IL19: variants seen among roughly 807,000 people sequenced by gnomAD.
IL19 encodes interleukin 19.
A neutral mutation model predicts 19.5 loss-of-function variants in IL19; 15 were observed. The observed-to-expected ratio is 0.77, with a 90% CI of 0.52 to 1.19. IL19 has a LOEUF of 1.19. Ranked by LOEUF, IL19 falls within the 50% of genes most tolerant of loss-of-function variation. The pLI is 0.00. For missense variants in IL19, 199 were observed against 213.1 expected, an observed-to-expected ratio of 0.93 and a Z score of 0.41; for synonymous variants, 78 against 78.3, an observed-to-expected ratio of 1.00 and a Z score of 0.02.
At chr1:206,832,524 A>T (rs1210333860) in intron 2 of IL19, among the ~76,000 whole-genome samples, 1 of 152,166 alleles carries the variant, frequency 6.6e-6, no homozygotes, top group African/African-American at 2.4e-5. Context: ...TTATTTCCTT[A>T]ATTGTTTTCT....
At chr1:206,807,403 A>G (rs1461810085) in intron 2 of IL19, among the ~76,000 whole-genome samples, 1 of 152,114 alleles carries the variant, frequency 6.6e-6, no homozygotes, top group Non-Finnish European at 1.5e-5. Context: ...TCACCATGCT[A>G]TAGTCATATA....
intron 6 of IL19, among the ~76,000 whole-genome samples, chr1:206,842,261 GA>G (rs1203366375): frequency 2.0e-5 from 3 of 149,846 alleles, no homozygotes; most frequent in African/African-American, 4.9e-5. Context: ...AAAAACAGAG[GA>G]AAAAAAAACC....
chr1:206,826,477 C>T (rs1439357320), intron 2 of IL19, among the ~76,000 whole-genome samples: 1 of 152,196 alleles, frequency 6.6e-6, no homozygotes, highest in African/African-American at 2.4e-5. Context: ...ATGCAAGATG[C>T]AGTCCTCGTC....
At chr1:206,780,409 C>T (rs915341294) in intron 1 of IL19, among the ~76,000 whole-genome samples, 1 of 152,134 alleles carries the variant, frequency 6.6e-6, no homozygotes, top group Admixed American at 6.5e-5. Context: ...TGCTACATGG[C>T]TATATGTCTG....
intron 1 of IL19, among the ~76,000 whole-genome samples, chr1:206,777,082 T>C (rs1211319375): frequency 6.6e-6 from 1 of 151,460 alleles, no homozygotes; most frequent in Admixed American, 6.6e-5. Flanking sequence ...ATAGAAAAAA[T>C]TAGCTGGGCG....
intron 2 of IL19, among the ~76,000 whole-genome samples, chr1:206,835,148 T>C (rs1332078034): frequency 6.6e-6 from 1 of 152,196 alleles, no homozygotes; most frequent in Non-Finnish European, 1.5e-5. Context: ...GCAAGTCTCC[T>C]GGCATGGGAT....
intron 4 of IL19, among the ~76,000 whole-genome samples, chr1:206,838,762 TTCCCTTCCCTTCCC>T (rs1558623838): frequency 2.7e-5 from 4 of 146,808 alleles, no homozygotes; most frequent in Non-Finnish European, 6.1e-5. Context: ...TTCCCTTCCC[TTCCCTTCCCTTCCC>T]TTCCCTTCCC....
chr1:206,793,057 G>T (rs951458041), intron 1 of IL19, among the ~76,000 whole-genome samples: 1 of 152,232 alleles, frequency 6.6e-6, no homozygotes, highest in Non-Finnish European at 1.5e-5. Flanking sequence ...GGGCTTTCAG[G>T]ATCCATTAGA....
chr1:206,796,093 G>T (rs1452072246), intron 1 of IL19, among the ~76,000 whole-genome samples: 1 of 152,036 alleles, frequency 6.6e-6, no homozygotes, highest in Non-Finnish European at 1.5e-5. Context: ...GAGTCCCATG[G>T]TCTAGATTCT....
intron 2 of IL19, among the ~76,000 whole-genome samples, chr1:206,810,653 G>A (rs960283384): frequency 2.0e-5 from 3 of 152,188 alleles, no homozygotes; most frequent in Non-Finnish European, 2.9e-5. Context: ...CCATATAGCA[G>A]AGGCCAAATG....
At chr1:206,835,399 T>C (rs903065926) in intron 2 of IL19, among the ~76,000 whole-genome samples, 5 of 152,358 alleles carry the variant, frequency 3.3e-5, no homozygotes, top group South Asian at 4.1e-4. Context: ...GACATACACC[T>C]GTCTATTCCC....
chr1:206,819,634 A>G (rs1676246036), intron 2 of IL19, among the ~76,000 whole-genome samples: 1 of 152,068 alleles, frequency 6.6e-6, no homozygotes, highest in South Asian at 2.1e-4. Context: ...CATTCCAAGA[A>G]CTCAATAGCC....
chr1:206,823,719 G>T (rs1221976405), intron 2 of IL19, among the ~76,000 whole-genome samples: 1 of 152,088 alleles, frequency 6.6e-6, no homozygotes, highest in African/African-American at 2.4e-5. Flanking sequence ...GCTGAGAAAA[G>T]AAAATGTTAT....
intron 4 of IL19, among the ~76,000 whole-genome samples, chr1:206,838,780 CCT>C (rs1289452539): frequency 1.3e-4 from 19 of 147,356 alleles, no homozygotes; most frequent in African/African-American, 4.8e-4. Context: ...CCTTCCCTTC[CCT>C]TCCCTTCCCT....
At chr1:206,771,245 TCTC>T (rs2102439547) in intron 1 of IL19, 167 bp downstream of exon 1, 2 of 1,197,974 alleles carry the variant, frequency 1.7e-6, no homozygotes, top group East Asian at 2.3e-5. Context: ...TCTTCCCACT[TCTC>T]CTTTTCAAAG....
At chr1:206,794,628 C>G (rs535572938) in intron 1 of IL19, among the ~76,000 whole-genome samples, 10 of 152,284 alleles carry the variant, frequency 6.6e-5, no homozygotes, top group Non-Finnish European at 1.3e-4. Context: ...CTCATTGCTT[C>G]TTTTGATTCT....
At position 206,839,880 on chromosome 1, in the gene IL19, C is replaced by T; in HGVS notation, c.241C>T (p.Leu81Phe). 1 of 1,614,050 alleles carries T rather than the reference C, an allele frequency of 6.2e-7. No individual in the cohort carries two copies. The highest frequency in any genetic ancestry group is 1.3e-5 in the African/African-American group (1 of 75,046). ...AGATGTGTGCTGCGTGACCAAGAAC[C>T]TCCTGGCGTTCTACGTGGACAGGGT... is the stretch of plus-strand genomic sequence containing the variant. The part of the protein sequence containing the change: ...PLDVCCVTKN[L>F]LAFYVDRVFK... Residue 81 changes from leucine to phenylalanine, a missense_variant, in exon 5 of 7, where the codon CTC (leucine) becomes TTC (phenylalanine). Transcript: ENST00000659997.
At chr1:206,817,574 A>T (rs772918752) in intron 2 of IL19, among the ~76,000 whole-genome samples, 1 of 152,148 alleles carries the variant, frequency 6.6e-6, no homozygotes, top group South Asian at 2.1e-4. Flanking sequence ...TCTCTATCAC[A>T]CATATTTCAG....
At chr1:206,804,359 A>C (rs377180931) in intron 2 of IL19, among the ~76,000 whole-genome samples, 1 of 152,210 alleles carries the variant, frequency 6.6e-6, no homozygotes, top group Admixed American at 6.5e-5. Context: ...CCCTGATGCC[A>C]ATGATAACCT....
Sources: gnomAD v4.1 joint callset for allele counts (sites outside exome capture counted in the v4.1 genomes callset) on GRCh38, gnomAD v4.1.1 for gene constraint, MANE v1.5 for transcripts, NCBI Gene and HGNC (gene_info 2026-07-23, HGNC 2026-07-21) for gene names.